FOXN3: variants seen among roughly 807,000 people sequenced by gnomAD.
FOXN3 encodes forkhead box N3.
In FOXN3, 7 loss-of-function variants were observed where a neutral mutation model predicts 38.4. The ratio of observed to expected loss-of-function variants is 0.18; its 90% CI spans 0.10 to 0.34. The LOEUF (loss-of-function observed/expected upper bound fraction) is 0.34. FOXN3 is among the 10% of genes least tolerant of loss of function. FOXN3 has a pLI of 1.00. For synonymous variants in FOXN3, 230 were observed against 242.2 expected, an observed-to-expected ratio of 0.95 and a Z score of 0.47; for missense variants, 456 against 613.4, an observed-to-expected ratio of 0.74 and a Z score of 2.71.
At chr14:89,221,066 A>G (rs1267847662) in intron 4 of FOXN3, among the ~76,000 whole-genome samples, 1 of 152,128 alleles carries the variant, frequency 6.6e-6, no homozygotes, top group African/African-American at 2.4e-5. Context: ...CAGCAGAGGC[A>G]ATAGGTACAA....
At chr14:89,432,128 C>T (rs1389021898) in intron 1 of FOXN3, among the ~76,000 whole-genome samples, 2 of 152,170 alleles carry the variant, frequency 1.3e-5, no homozygotes, top group Non-Finnish European at 2.9e-5. Context: ...CTCCACAACT[C>T]GCCACTAACT....
chr14:89,402,065 C>G (rs562775806), intron 2 of FOXN3, among the ~76,000 whole-genome samples: 5 of 152,294 alleles, frequency 3.3e-5, no homozygotes, highest in Admixed American at 1.3e-4. Context: ...CATAGCAATC[C>G]ATCAAGTTAT....
At chr14:89,592,038 G>A (rs1229310997) in intron 1 of FOXN3, among the ~76,000 whole-genome samples, 1 of 152,118 alleles carries the variant, frequency 6.6e-6, no homozygotes, top group Non-Finnish European at 1.5e-5. Context: ...AGAAGAGAAG[G>A]CATTGCTTAT....
rs542413798 is a variant in FOXN3, at chr14:89,451,659, G to A, written c.-14-39169C>T. Among the ~76,000 whole-genome samples the A allele has an allele frequency of 1.1e-4, 16 of 152,194 alleles. 1 individual carries two copies. The highest frequency in any genetic ancestry group is 4.2e-4 in the South Asian group (2 of 4,818). The stretch of plus-strand genomic sequence containing the variant: ...ACTGTAGCTGGAGGGTGACAGCCCC[G>A]CAAGTTTAATCTTCATCACCCCTGC... On this transcript the variant is annotated intron_variant, in intron 1 of 6. Transcript: ENST00000345097.
chr14:89,352,616 C>T (rs1889024972), intron 2 of FOXN3, among the ~76,000 whole-genome samples: 1 of 152,216 alleles, frequency 6.6e-6, no homozygotes, highest in Admixed American at 6.5e-5. Flanking sequence ...GCAATAGCTA[C>T]ACTGAGGGCC....
chr14:89,580,235 T>G (rs1895717131), intron 1 of FOXN3, among the ~76,000 whole-genome samples: 1 of 152,190 alleles, frequency 6.6e-6, no homozygotes, highest in Non-Finnish European at 1.5e-5. Flanking sequence ...AATTACCTCA[T>G]CTCTAAAATG....
intron 1 of FOXN3, among the ~76,000 whole-genome samples, chr14:89,608,510 TG>T (rs1361447009): frequency 2.6e-5 from 4 of 152,230 alleles, no homozygotes; most frequent in African/African-American, 7.2e-5. Context: ...TGGTGTACAA[TG>T]TATCTATATC....
rs529856091 is a variant in FOXN3 at position 89,334,246 on chromosome 14, G to A, written c.680+16426C>T. Reference sequence around the variant, plus strand: ...TAGAAGGGTGGTTACCAGGGGTTGGGGTTGGGGAGTGAGGCGGGCTGGGGG... The same window carrying A: ...TAGAAGGGTGGTTACCAGGGGTTGGAGTTGGGGAGTGAGGCGGGCTGGGGG... On this transcript the variant is annotated intron_variant, in intron 3 of 5. Transcript: ENST00000557258. 2.5e-3 allele frequency among the ~76,000 whole-genome samples: 377 copies of A among 152,048 alleles called. 2 individuals are homozygous for A. The highest frequency in any genetic ancestry group is 8.5e-3 in the African/African-American group (352 of 41,420).
At chr14:89,212,144 C>CTG (rs897121353) in intron 4 of FOXN3, among the ~76,000 whole-genome samples, 1 of 152,202 alleles carries the variant, frequency 6.6e-6, no homozygotes, top group African/African-American at 2.4e-5. Flanking sequence ...GCCTCCAGAA[C>CTG]TGTGAGACAA....
At chr14:89,354,892 G>A (rs1889144398) in intron 2 of FOXN3, among the ~76,000 whole-genome samples, 1 of 151,408 alleles carries the variant, frequency 6.6e-6, no homozygotes, top group Non-Finnish European at 1.5e-5. Context: ...AACTGTGAGG[G>A]CCACACACCA....
At chr14:89,312,284 CAAAAAAA>C (rs59949946) in intron 3 of FOXN3, among the ~76,000 whole-genome samples, 3 of 60,608 alleles carry the variant, frequency 4.9e-5, no homozygotes, top group Non-Finnish European at 8.4e-5. Flanking sequence ...GACTCGGTCT[CAAAAAAA>C]AAAAAAAAAA....
chr14:89,417,428 G>A (rs1891778237), upstream of FOXN3: 1 of 148,032 alleles, frequency 6.8e-6, no homozygotes, highest in South Asian at 2.1e-4. Context: ...GCGGAGGCCG[G>A]GGCTGGGCCG....
intron 3 of FOXN3, among the ~76,000 whole-genome samples, chr14:89,293,005 G>A (rs368449735): frequency 2.6e-4 from 40 of 152,232 alleles, no homozygotes; most frequent in African/African-American, 7.7e-4. Flanking sequence ...CCGGACAGTC[G>A]GCTAGCTCTC....
At chr14:89,464,914 T>C (rs775034976) in intron 1 of FOXN3, among the ~76,000 whole-genome samples, 1 of 152,150 alleles carries the variant, frequency 6.6e-6, no homozygotes, top group Non-Finnish European at 1.5e-5. Context: ...GCCAAGCTGG[T>C]CTCGAACACC....
At chr14:89,265,132 T>C (rs1489739656) in intron 4 of FOXN3, among the ~76,000 whole-genome samples, 1 of 152,220 alleles carries the variant, frequency 6.6e-6, no homozygotes, top group African/African-American at 2.4e-5. Context: ...TGAAAGCTCC[T>C]GTAGCTCCTG....
chr14:89,463,345 C>T (rs1213233177), intron 1 of FOXN3, among the ~76,000 whole-genome samples: 5 of 152,070 alleles, frequency 3.3e-5, no homozygotes, highest in African/African-American at 1.2e-4. Context: ...ACAGCAGACC[C>T]CTCGTGGTCC....
chr14:89,594,754 C>A (rs79822353), intron 1 of FOXN3, among the ~76,000 whole-genome samples: 1 of 151,984 alleles, frequency 6.6e-6, no homozygotes, highest in Non-Finnish European at 1.5e-5. Context: ...TGGGTCCTGG[C>A]GCACACCTGT....
At chr14:89,344,351 G>C (rs925864944) in intron 3 of FOXN3, among the ~76,000 whole-genome samples, 2 of 151,250 alleles carry the variant, frequency 1.3e-5, no homozygotes, top group South Asian at 4.2e-4. Flanking sequence ...CCAAAGGTAC[G>C]TAGGATGCTG....
At chr14:89,448,092 G>A (rs1188998428) in intron 1 of FOXN3, among the ~76,000 whole-genome samples, 7 of 151,926 alleles carry the variant, frequency 4.6e-5, no homozygotes, top group African/African-American at 1.7e-4. Flanking sequence ...GATTACAGGC[G>A]TGAGCCACTG....
Sources: allele counts gnomAD v4.1 joint callset (sites outside exome capture counted in the v4.1 genomes callset), GRCh38; gene constraint gnomAD v4.1.1; transcripts MANE v1.5; gene names NCBI Gene and HGNC (gene_info 2026-07-23, HGNC 2026-07-21).